ASTN2: variants seen among roughly 807,000 people sequenced by gnomAD.
ASTN2 encodes astrotactin 2.
A neutral mutation model predicts 139.8 loss-of-function variants in ASTN2; 54 were observed. The ratio of observed to expected loss-of-function variants is 0.39; its 90% confidence interval spans 0.31 to 0.48. The LOEUF (loss-of-function observed/expected upper bound fraction) is 0.48, where lower values mean the gene tolerates loss of function less well. ASTN2 is among the 20% of genes least tolerant of loss of function. The probability of loss-of-function intolerance (pLI) is 0.95; values close to 1 mark genes in which losing one functional copy is unlikely to be tolerated. For synonymous variants in ASTN2, 756 were observed against 719.5 expected (o/e 1.05, Z -0.81); for missense variants, 1,565 against 1,725.1 (o/e 0.91, Z 1.64).
At chr9:116,812,998 G>A (rs1035362168) in intron 12 of ASTN2, among the ~76,000 whole-genome samples, 2 of 152,040 alleles carry the variant, frequency 1.3e-5, no homozygotes, top group Non-Finnish European at 2.9e-5. Context: ...TTATGCTAAG[G>A]TCTATTTAGT....
chr9:116,947,912 G>A (rs1835443191), intron 10 of ASTN2, among the ~76,000 whole-genome samples: 1 of 152,168 alleles, frequency 6.6e-6, no homozygotes, highest in Non-Finnish European at 1.5e-5. Flanking sequence ...ACCATGCGTT[G>A]TTTTAATAGG....
At chr9:117,016,637 T>TGTTAC (rs1564385938) in intron 6 of ASTN2, among the ~76,000 whole-genome samples, 761 of 23,014 alleles carry the variant, frequency 0.033, 96 homozygotes, top group African/African-American at 0.073. Context: ...TATATATATA[T>TGTTAC]ATATATATAT....
At chr9:116,490,275 A>T (rs1230459778) in intron 19 of ASTN2, among the ~76,000 whole-genome samples, 2 of 35,286 alleles carry the variant, frequency 5.7e-5, no homozygotes, top group African/African-American at 1.9e-4. Context: ...TAAAAAGTAA[A>T]AAAAAAAAAA....
chr9:116,442,844 C>T (rs1331697327), intron 20 of ASTN2, among the ~76,000 whole-genome samples: 1 of 152,170 alleles, frequency 6.6e-6, no homozygotes, highest in Non-Finnish European at 1.5e-5. Context: ...GGGTATTGAA[C>T]TCATGCAGTC....
At chr9:117,349,022 G>A (rs1209145117) in intron 1 of ASTN2, among the ~76,000 whole-genome samples, 7 of 152,112 alleles carry the variant, frequency 4.6e-5, no homozygotes, top group Non-Finnish European at 7.3e-5. Flanking sequence ...TGGATTTATT[G>A]AGTGGCAACT....
chr9:116,616,747 T>C (rs1855875455), intron 19 of ASTN2, among the ~76,000 whole-genome samples: 2 of 151,750 alleles, frequency 1.3e-5, no homozygotes, highest in Admixed American at 1.3e-4. Context: ...TACAAACCTC[T>C]GCTATTATAA....
chr9:117,231,803 G>A (rs1832899633), intron 2 of ASTN2, among the ~76,000 whole-genome samples: 2 of 152,172 alleles, frequency 1.3e-5, no homozygotes, highest in African/African-American at 4.8e-5. Flanking sequence ...AAGAATCCCA[G>A]TGGTGTTCAA....
chr9:116,454,653 T>C (rs1157055836), intron 20 of ASTN2, among the ~76,000 whole-genome samples: 1 of 152,176 alleles, frequency 6.6e-6, no homozygotes, highest in African/African-American at 2.4e-5. Context: ...TGTCCATCAA[T>C]GATAGACTGG....
Position 116,825,094 on chromosome 9 carries a change from C to T in ASTN2, c.2041-4311G>A, listed in dbSNP as rs192212039. 2.0e-5 allele frequency among the ~76,000 whole-genome samples: 3 copies of T among 152,266 alleles called. 1 individual carries two copies. The highest frequency in any genetic ancestry group is 2.0e-4 in the Admixed American group (3 of 15,298). ...CACTGTCACTTGCTTGCCTCGTGAC[C>T]TTGGACAAGTCCTTGAAACTATTTG... On this transcript the variant is annotated intron_variant, in intron 11 of 22. Transcript: ENST00000313400.
At chr9:117,136,613 T>G (rs1031451056) in intron 4 of ASTN2, among the ~76,000 whole-genome samples, 1 of 152,118 alleles carries the variant, frequency 6.6e-6, no homozygotes, top group Non-Finnish European at 1.5e-5. Flanking sequence ...TTTCAAATGA[T>G]CACCCAGCTG....
chr9:117,156,078 T>C (rs962415733), intron 3 of ASTN2, among the ~76,000 whole-genome samples: 2 of 151,828 alleles, frequency 1.3e-5, no homozygotes, highest in African/African-American at 4.8e-5. Flanking sequence ...TCTAAGGGAG[T>C]AGAAGTTAGC....
At chr9:117,115,919 G>C (rs1030076994) in intron 4 of ASTN2, among the ~76,000 whole-genome samples, 11 of 151,834 alleles carry the variant, frequency 7.2e-5, no homozygotes, top group African/African-American at 2.4e-4. Context: ...CAGCTACTCG[G>C]CAGGCTGAGG....
At chr9:116,760,520 G>A (rs1829647560) in intron 13 of ASTN2, among the ~76,000 whole-genome samples, 1 of 152,230 alleles carries the variant, frequency 6.6e-6, no homozygotes, top group Admixed American at 6.5e-5. Flanking sequence ...GAGCAATTCA[G>A]ACCTGACTGT....
At chr9:116,603,162 C>T (rs948014243) in intron 19 of ASTN2, among the ~76,000 whole-genome samples, 2 of 152,032 alleles carry the variant, frequency 1.3e-5, no homozygotes, top group Non-Finnish European at 2.9e-5. Flanking sequence ...CAAGGGAGAT[C>T]GAGAGGCTGA....
chr9:116,439,442 C>T (rs1025018601), intron 22 of ASTN2, among the ~76,000 whole-genome samples: 18 of 139,462 alleles, frequency 1.3e-4, no homozygotes, highest in African/African-American at 5.1e-4. Flanking sequence ...CCTCGTGATC[C>T]GCCCGCCTCG....
chr9:116,699,270 C>CTA lies in ASTN2; in HGVS notation c.2806+26499_2806+26500dup. 1 of 1,614,212 alleles carries CTA rather than the reference C, an allele frequency of 6.2e-7. No individual in the cohort carries two copies. The highest frequency in any genetic ancestry group is 1.1e-5 in the South Asian group (1 of 91,086). On this transcript the variant is annotated intron_variant, in intron 16 of 22. Coordinates refer to ENST00000313400, the MANE Select transcript of ASTN2 (RefSeq NM_001365068.1). This position sits in a 1 kb window ranked among gnomAD's most constrained non-coding sequence, Gnocchi z 4.2. ...ATCAGGGGTGGTCAAATACAGCTGC[C>CTA]TATGTAGTGCTGTGCGGCCCAAATT...
intron 17 of ASTN2, among the ~76,000 whole-genome samples, chr9:116,621,304 A>T (rs1856133994): frequency 6.6e-6 from 1 of 152,170 alleles, no homozygotes; most frequent in Non-Finnish European, 1.5e-5. Flanking sequence ...TTACCAAGTC[A>T]AGTAGCAGGC....
At chr9:116,828,428 C>T (rs10123073) in intron 11 of ASTN2, among the ~76,000 whole-genome samples, 120,447 of 151,794 alleles carry the variant, frequency 0.79, 47,983 homozygotes, top group East Asian at 0.91. Context: ...AATCAATAAA[C>T]GTGATACATC....
chr9:117,358,495 C>G (rs967715747), intron 1 of ASTN2, among the ~76,000 whole-genome samples: 1 of 152,072 alleles, frequency 6.6e-6, no homozygotes, highest in Non-Finnish European at 1.5e-5. Context: ...ATTTCCTTCC[C>G]AATCATTTGA....
Sources: allele counts gnomAD v4.1 joint callset (sites outside exome capture counted in the v4.1 genomes callset), GRCh38; gene constraint gnomAD v4.1.1; non-coding constraint Gnocchi (gnomAD v3.1); transcripts MANE v1.5; gene names NCBI Gene and HGNC (gene_info 2026-07-23, HGNC 2026-07-21).